Variants in CPQ observed in about 807,000 individuals in gnomAD.
CPQ encodes carboxypeptidase Q.
In CPQ, 37 loss-of-function variants were observed where a neutral mutation model predicts 45.7. The ratio of observed to expected loss-of-function variants is 0.81; its 90% confidence interval spans 0.62 to 1.07. The LOEUF (loss-of-function observed/expected upper bound fraction) is 1.07, where lower values mean the gene tolerates loss of function less well. Ranked by LOEUF, CPQ falls within the 50% of genes least tolerant of loss-of-function variation. The probability of loss-of-function intolerance (pLI) is 0.00; values close to 1 mark genes in which losing one functional copy is unlikely to be tolerated. For synonymous variants in CPQ, 186 were observed against 205.8 expected, an observed-to-expected ratio of 0.90 and a Z score of 0.82; for missense variants, 537 against 572.9, an observed-to-expected ratio of 0.94 and a Z score of 0.64.
At chr8:97,001,456 G>A (rs143254240) in intron 5 of CPQ, among the ~76,000 whole-genome samples, 16 of 152,162 alleles carry the variant, frequency 1.1e-4, no homozygotes, top group Admixed American at 2.6e-4. Flanking sequence ...AACATGAATC[G>A]TTGTTGAATT....
chr8:97,090,778 A>G (rs989697801), intron 7 of CPQ, among the ~76,000 whole-genome samples: 1 of 152,204 alleles, frequency 6.6e-6, no homozygotes, highest in Non-Finnish European at 1.5e-5. Context: ...AGTGGGGGAC[A>G]GTTCTCAAGC....
At chr8:96,981,945 T>C (rs576896149) in intron 5 of CPQ, among the ~76,000 whole-genome samples, 10 of 152,306 alleles carry the variant, frequency 6.6e-5, no homozygotes, top group African/African-American at 2.4e-4. Flanking sequence ...ATCAGTAAAC[T>C]AGATGGTAAC....
At chr8:96,908,167 CGAGAGAGAGAGGAGA>C (rs1259170718) in intron 4 of CPQ, among the ~76,000 whole-genome samples, 1 of 143,716 alleles carries the variant, frequency 7.0e-6, no homozygotes, top group Admixed American at 7.0e-5. Context: ...GAGAGAGAGA[CGAGAGAGAGAGGAGA>C]GAGGGAGAAG....
In CPQ at chr8:96,737,230, T is replaced by TACAC. The variant is rs377227683; in HGVS notation, c.-34-47612_-34-47609dup. Among the ~76,000 whole-genome samples the TACAC allele has an allele frequency of 3.0e-3, 432 of 142,166 alleles. 3 individuals carry two copies. Among genetic ancestry groups the TACAC allele is most frequent in the African/African-American group, 0.01 (388 of 37,740 alleles). 93.3% of individuals were successfully genotyped at this position (142,166 alleles called of 152,430 possible). On this transcript the variant is annotated intron_variant, in intron 1 of 7. Transcript: ENST00000220763. ...TCTTAGAGGGACAGAACTAATAAGA[T>TACAC]ACACACACACACACACACACACACA...
intron 5 of CPQ, among the ~76,000 whole-genome samples, chr8:96,977,394 A>G (rs1168812081): frequency 6.6e-6 from 1 of 152,146 alleles, no homozygotes; most frequent in East Asian, 1.9e-4. Flanking sequence ...GATGGTGGGA[A>G]TGTAAACTGG....
chr8:97,111,299 C>A (rs112163661), intron 7 of CPQ, among the ~76,000 whole-genome samples: 1 of 152,194 alleles, frequency 6.6e-6, no homozygotes, highest in Middle Eastern at 3.2e-3. Flanking sequence ...AATGCCAGTA[C>A]GTCTATGAAG....
At chr8:96,785,575 GC>G (rs1434357306) in intron 2 of CPQ, among the ~76,000 whole-genome samples, 1 of 152,048 alleles carries the variant, frequency 6.6e-6, no homozygotes, top group East Asian at 1.9e-4. Flanking sequence ...ATACTTACCA[GC>G]CCTATCACTT....
chr8:96,798,329 T>C lies in CPQ; in HGVS notation c.433+12999T>C, dbSNP rs148806780. Among the ~76,000 whole-genome samples, 349 of 151,974 alleles carry C rather than the reference T, an allele frequency of 2.3e-3. 4 individuals carry two copies. The highest frequency in any genetic ancestry group is 8.2e-3 in the African/African-American group (341 of 41,478). On this transcript the variant is annotated intron_variant, in intron 2 of 7. Transcript: ENST00000220763. ...ATTTTTTTTAATAAAGATGAGGTCTTACTATGTTGCCCAGGCTGGTCTTGA... is the reference window on the plus strand; with the variant it reads ...ATTTTTTTTAATAAAGATGAGGTCTCACTATGTTGCCCAGGCTGGTCTTGA...
At chr8:97,036,227 C>T (rs1333847299) in intron 6 of CPQ, among the ~76,000 whole-genome samples, 2 of 151,960 alleles carry the variant, frequency 1.3e-5, no homozygotes, top group African/African-American at 2.4e-5. Context: ...TCAACTGGAG[C>T]CCAAAGGGGA....
intron 1 of CPQ, among the ~76,000 whole-genome samples, chr8:96,676,758 TTTTGGTGTACCCATCACCCAAGTAGTG>T (rs1029687468): frequency 1.7e-4 from 26 of 152,204 alleles, no homozygotes; most frequent in Admixed American, 1.6e-3. Context: ...ATTTCTGAGA[TTTTGGTGTACCCATCACCCAAGTAGTG>T]TTCACTGTAC....
intron 4 of CPQ, among the ~76,000 whole-genome samples, chr8:96,884,332 A>C (rs1464867816): frequency 6.6e-6 from 1 of 151,788 alleles, no homozygotes; most frequent in Admixed American, 6.6e-5. Flanking sequence ...GGCCCTCACT[A>C]TTTCCCCCCG....
chr8:96,918,911 C>T lies in CPQ; in HGVS notation c.849+38906C>T, dbSNP rs147596246. Reference sequence around the variant, plus strand: ...TTTCTAAAAAACTTTCTGCTTTCAACCCTATGACTTACCCTGCTTTAGTGG... The same window carrying T: ...TTTCTAAAAAACTTTCTGCTTTCAATCCTATGACTTACCCTGCTTTAGTGG... On this transcript the variant is annotated intron_variant, in intron 4 of 7. Coordinates refer to ENST00000220763, the MANE Select transcript of CPQ (RefSeq NM_016134.4). Among the ~76,000 whole-genome samples, 838 of 152,228 alleles carry T rather than the reference C, an allele frequency of 5.5e-3. 7 individuals carry two copies. Among genetic ancestry groups the T allele is most frequent in the African/African-American group, 0.018 (734 of 41,534 alleles).
At chr8:96,660,704 CTT>C (rs1441374515) in intron 1 of CPQ, among the ~76,000 whole-genome samples, 1 of 151,812 alleles carries the variant, frequency 6.6e-6, no homozygotes, top group Non-Finnish European at 1.5e-5. Flanking sequence ...TTCCTAGACT[CTT>C]TAACATTATT....
chr8:96,734,428 C>A (rs1019895366), intron 1 of CPQ, among the ~76,000 whole-genome samples: 4 of 152,146 alleles, frequency 2.6e-5, no homozygotes, highest in South Asian at 2.1e-4. Context: ...AATCCTCTGA[C>A]AGGCTGGGCG....
At chr8:96,663,335 C>A (rs1015129352) in intron 1 of CPQ, among the ~76,000 whole-genome samples, 3 of 129,552 alleles carry the variant, frequency 2.3e-5, no homozygotes, top group Admixed American at 7.8e-5. Context: ...ACATTAGATT[C>A]TCCAAATGTC....
Position 96,967,059 on chromosome 8 carries a change from A to G in CPQ, c.961+1013A>G, listed in dbSNP as rs1586471440. Among the ~76,000 whole-genome samples, 4 of 152,342 alleles carry G rather than the reference A, an allele frequency of 2.6e-5. No individual in the cohort carries two copies. In the South Asian group the frequency reaches 8.3e-4, roughly 32 times the overall value. ...CTGAAAATCACACATTCCTTCACAG[A>G]AAATCTGGGAGACGCTATGTTAATT... On this transcript the variant is annotated intron_variant, in intron 5 of 7. Transcript: ENST00000220763.
At chr8:96,964,264 T>C (rs1563540403) in intron 4 of CPQ, among the ~76,000 whole-genome samples, 1 of 151,192 alleles carries the variant, frequency 6.6e-6, no homozygotes, top group Non-Finnish European at 1.5e-5. Context: ...GGTCATAGTT[T>C]TGTGTATGTT....
chr8:97,031,526 A>T (rs1028255825), intron 6 of CPQ, among the ~76,000 whole-genome samples: 2 of 152,162 alleles, frequency 1.3e-5, no homozygotes, highest in Non-Finnish European at 2.9e-5. Context: ...AAAATATTGG[A>T]TTTAAATTGC....
intron 2 of CPQ, among the ~76,000 whole-genome samples, chr8:96,824,717 G>A (rs1316988636): frequency 6.6e-6 from 1 of 151,940 alleles, no homozygotes; most frequent in Admixed American, 6.6e-5. Context: ...TAAGTTTCTG[G>A]TGTGGATTAA....
Sources: allele counts gnomAD v4.1 joint callset (sites outside exome capture counted in the v4.1 genomes callset), GRCh38; gene constraint gnomAD v4.1.1; transcripts MANE v1.5; gene names NCBI Gene and HGNC (gene_info 2026-07-23, HGNC 2026-07-21).